Variants in QTGAL observed in about 807,000 individuals in gnomAD.
QTGAL encodes the protein BGnT-like protein 1.
chr17:83,033,535 G>A, the QTGAL span, among the ~76,000 whole-genome samples: 8 of 149,680 alleles, frequency 5.3e-5, no homozygotes, highest in East Asian at 2.0e-4. Flanking sequence ...GCAGTGGCGT[G>A]ATCTCGGCTC....
the QTGAL span, among the ~76,000 whole-genome samples, chr17:82,970,266 C>T: frequency 1.3e-5 from 2 of 152,230 alleles, no homozygotes; most frequent in Non-Finnish European, 2.9e-5. Context: ...CCCCACGGGC[C>T]CCGAGGCCCC....
At chr17:82,961,180 C>T in the QTGAL span, 1 of 1,606,074 alleles carries the variant, frequency 6.2e-7, no homozygotes, top group Non-Finnish European at 8.5e-7. Flanking sequence ...CTCCGGGACG[C>T]CCTGCAGGGC....
chr17:82,959,097 T>G, the QTGAL span, among the ~76,000 whole-genome samples: 3 of 134,358 alleles, frequency 2.2e-5, no homozygotes, highest in Admixed American at 7.6e-5. Context: ...TGTGTGGGGG[T>G]GTATGGTGTG....
the QTGAL span, among the ~76,000 whole-genome samples, chr17:83,050,767 G>C: frequency 6.6e-6 from 1 of 152,108 alleles, no homozygotes; most frequent in African/African-American, 2.4e-5. Context: ...ACGTGTTTGG[G>C]GTAAGTGTGC....
chr17:82,964,798 G>A, the QTGAL span, among the ~76,000 whole-genome samples: 73 of 100,464 alleles, frequency 7.3e-4, no homozygotes, highest in South Asian at 1.0e-3. Flanking sequence ...CCCCCACGGG[G>A]GGATGGGGAC....
the QTGAL span, among the ~76,000 whole-genome samples, chr17:82,978,036 CCT>C: frequency 6.6e-6 from 1 of 152,182 alleles, no homozygotes; most frequent in Non-Finnish European, 1.5e-5. The surrounding 1 kb of genome is among the most constrained non-coding windows in gnomAD (Gnocchi z 4.8). Flanking sequence ...ACCCGGGCCA[CCT>C]CTGGTTACGT....
the QTGAL span, among the ~76,000 whole-genome samples, chr17:83,022,660 G>C: frequency 0.016 from 104 of 6,522 alleles, no homozygotes; most frequent in African/African-American, 0.082. Flanking sequence ...ACTGTCCCCG[G>C]CCCACCTGCA....
chr17:83,029,624 C>T, the QTGAL span, among the ~76,000 whole-genome samples: 11 of 152,060 alleles, frequency 7.2e-5, no homozygotes, highest in African/African-American at 2.2e-4. Flanking sequence ...TGGGGGGAGC[C>T]GGGGAAGCAA....
chr17:83,000,387 G>A, the QTGAL span, among the ~76,000 whole-genome samples: 2 of 152,212 alleles, frequency 1.3e-5, no homozygotes, highest in African/African-American at 4.8e-5. Flanking sequence ...GCCGGCAGGA[G>A]GGGTTTGTAA....
At chr17:83,015,851 T>G in the QTGAL span, among the ~76,000 whole-genome samples, 1 of 152,166 alleles carries the variant, frequency 6.6e-6, no homozygotes, top group Non-Finnish European at 1.5e-5. The surrounding 1 kb of genome is among the most constrained non-coding windows in gnomAD (Gnocchi z 4.4). Flanking sequence ...AACTGTTTCA[T>G]CCCAAAACCA....
chr17:82,967,301 C>A, the QTGAL span, among the ~76,000 whole-genome samples: 1 of 152,198 alleles, frequency 6.6e-6, no homozygotes, highest in East Asian at 1.9e-4. Context: ...AGCATCTGTA[C>A]GTTCCTGGAG....
At chr17:83,045,770 A>C in the QTGAL span, among the ~76,000 whole-genome samples, 1 of 152,218 alleles carries the variant, frequency 6.6e-6, no homozygotes, top group African/African-American at 2.4e-5. Context: ...AAAATGGCCA[A>C]AATACTTGAA....
the QTGAL span, chr17:82,945,799 T>C: frequency 6.6e-6 from 1 of 152,206 alleles, no homozygotes; most frequent in Non-Finnish European, 1.5e-5. Context: ...GGGGTGCCCC[T>C]GGTTGAGAAC....
chr17:83,048,609 C>G, the QTGAL span: 5 of 1,605,806 alleles, frequency 3.1e-6, no homozygotes, highest in Admixed American at 6.7e-5. Context: ...AACTTCCCTC[C>G]GAACAGTCAA....
the QTGAL span, among the ~76,000 whole-genome samples, chr17:83,035,802 G>T: frequency 1.2e-4 from 18 of 152,222 alleles, no homozygotes; most frequent in Non-Finnish European, 2.1e-4. Flanking sequence ...CAAGAGGGAA[G>T]TTGGGGGCTG....
the QTGAL span, among the ~76,000 whole-genome samples, chr17:82,955,499 C>T: frequency 2.0e-5 from 3 of 152,176 alleles, no homozygotes; most frequent in Non-Finnish European, 2.9e-5. Flanking sequence ...CAAGAAACAA[C>T]AGATACTGGC....
At chr17:83,006,064 G>T in the QTGAL span, 4 of 1,006,238 alleles carry the variant, frequency 4.0e-6, no homozygotes, top group South Asian at 1.8e-4. This position sits in a 1 kb window ranked among gnomAD's most constrained non-coding sequence, Gnocchi z 5.8. Flanking sequence ...AGGGCCCAGG[G>T]CCAGCAGAGC....
chr17:83,002,773 T>C, the QTGAL span, among the ~76,000 whole-genome samples: 2 of 152,220 alleles, frequency 1.3e-5, no homozygotes, highest in Non-Finnish European at 2.9e-5. Flanking sequence ...AGCCTGGCTC[T>C]TGGAACGTGC....
the QTGAL span, among the ~76,000 whole-genome samples, chr17:83,008,555 C>T: frequency 2.0e-5 from 3 of 152,194 alleles, no homozygotes; most frequent in East Asian, 3.9e-4. Context: ...ACATGGCCAT[C>T]GACCCTCAAG....
Sources: allele counts gnomAD v4.1 joint callset (sites outside exome capture counted in the v4.1 genomes callset), GRCh38; gene constraint gnomAD v4.1.1; non-coding constraint Gnocchi (gnomAD v3.1); transcripts MANE v1.5; gene names NCBI Gene and HGNC (gene_info 2026-07-23, HGNC 2026-07-21).